Variants in THAP12 observed in about 807,000 individuals in gnomAD.
THAP12 encodes THAP domain containing 12.
In THAP12, 20 loss-of-function variants were observed where a neutral mutation model predicts 63.0. The ratio of observed to expected loss-of-function variants is 0.32; its 90% CI spans 0.22 to 0.46. The LOEUF (loss-of-function observed/expected upper bound fraction) is 0.46. Ranked by LOEUF, THAP12 falls within the 20% of genes least tolerant of loss-of-function variation. The pLI is 1.00. For missense variants in THAP12, 568 were observed against 908.2 expected (o/e 0.63, Z 4.81); for synonymous variants, 264 against 328.4 (o/e 0.80, Z 2.12).
intron 1 of THAP12, among the ~76,000 whole-genome samples, chr11:76,370,392 T>C (rs907615010): frequency 6.6e-6 from 1 of 151,994 alleles, no homozygotes; most frequent in Non-Finnish European, 1.5e-5. Flanking sequence ...AGAGAGGATC[T>C]CACTCTGTTG....
chr11:76,360,625 A>G (rs1343038375), intron 3 of THAP12, among the ~76,000 whole-genome samples: 2 of 152,172 alleles, frequency 1.3e-5, no homozygotes, highest in Non-Finnish European at 2.9e-5. Flanking sequence ...TGAACTCTGG[A>G]AACACCTCAG....
In THAP12 at chr11:76,351,418, G is replaced by A. The variant is rs1946525792; in HGVS notation, c.1732C>T (p.Leu578=). The change falls in exon 5 of 5, where the codon CTA becomes TTA. Residue 578 remains leucine, a synonymous_variant. Transcript: ENST00000260045. The part of the protein sequence containing the change: ...LTSESYYKET[L]SVPTVEHIIQ... ...ATGTGCTCCACTGTTGGGACACTTA[G>A]GGTTTCTTTATAGTAACTCTCAGAG... 1.2e-6 allele frequency: 2 copies of A among 1,604,120 alleles called. No individual in the cohort carries two copies. The highest frequency in any genetic ancestry group is 1.7e-5 in the Admixed American group (1 of 59,920).
rs2156713 is a variant in THAP12, at chr11:76,355,706, C to T, written c.319-52G>A. ...AAACAAATCATCTTTAAAAAACTGA[C>T]CTCTAGTGTATCATCTTAGACTCAC... On this transcript the variant is annotated intron_variant, in intron 3 of 4. Transcript: ENST00000260045. 8.7e-4 allele frequency: 1,251 copies of T among 1,444,250 alleles called. 6 individuals carry two copies. In the Admixed American group the frequency reaches 0.012, roughly 14 times the overall value. The allele number at this position is 1,444,250 out of a possible 1,614,324, so 89.5% of individuals were successfully genotyped here. A position where few individuals can be genotyped will look rare whatever the true frequency, so the allele number is the denominator to read the frequency against.
intron 1 of THAP12, among the ~76,000 whole-genome samples, chr11:76,376,140 C>T (rs1056650203): frequency 6.6e-6 from 1 of 152,102 alleles, no homozygotes; most frequent in African/African-American, 2.4e-5. Context: ...GAGAAGGTTG[C>T]ACAACACTGT....
At chr11:76,378,252 T>C (rs140650730) in intron 1 of THAP12, among the ~76,000 whole-genome samples, 3,720 of 152,120 alleles carry the variant, frequency 0.024, 164 homozygotes, top group African/African-American at 0.086. Context: ...AACCCCGTCT[T>C]GACTAAAAAA....
At chr11:76,354,337 C>T (rs1167870929) in intron 4 of THAP12, among the ~76,000 whole-genome samples, 1 of 152,192 alleles carries the variant, frequency 6.6e-6, no homozygotes. Flanking sequence ...ACTAGGGAGG[C>T]TTCCCAAGCC....
rs1946536513 is a variant in THAP12, at chr11:76,352,764, T to C, written c.386A>G (p.His129Arg). 3.9e-6 allele frequency: 6 copies of C among 1,534,098 alleles called. No individual in the cohort carries two copies. Among genetic ancestry groups the C allele is most frequent in the East Asian group, 2.3e-5 (1 of 43,508 alleles). ...AGCATTGCTATTGTTGGTTTCTTTA[T>C]GTTTTTGTTCCTGCTCAGAAGTTTC... The part of the protein sequence containing the change: ...IDETSEQEQK[H>R]KETNNSNAQN... Residue 129 changes from histidine to arginine, a missense_variant, in exon 5 of 5, where the codon CAT becomes CGT. His to Arg is a conservative substitution (Grantham distance 29). Transcript: ENST00000260045.
chr11:76,376,739 T>C (rs1946714087), intron 1 of THAP12, among the ~76,000 whole-genome samples: 1 of 149,172 alleles, frequency 6.7e-6, no homozygotes, highest in South Asian at 2.1e-4. Context: ...CAAGTGAGAT[T>C]TCACTAGATC....
chr11:76,378,793 G>C (rs1337902825), intron 1 of THAP12, among the ~76,000 whole-genome samples: 1 of 151,958 alleles, frequency 6.6e-6, no homozygotes, highest in African/African-American at 2.4e-5. Flanking sequence ...TTTTTTAATA[G>C]AGACAGGGTT....
At chr11:76,377,443 GCTTT>G (rs1946718881) in intron 1 of THAP12, among the ~76,000 whole-genome samples, 1 of 152,156 alleles carries the variant, frequency 6.6e-6, no homozygotes, top group African/African-American at 2.4e-5. Context: ...CCACTGATAT[GCTTT>G]CTATCTCTAT....
In THAP12 at chr11:76,358,083, A is replaced by G. The variant is rs370994617; in HGVS notation, c.319-2429T>C. On this transcript the variant is annotated intron_variant, in intron 3 of 4. Coordinates refer to ENST00000260045, the MANE Select transcript of THAP12 (RefSeq NM_004705.4). ...AAGAAAGAAAACCAATAAAGATAGC[A>G]GAATGGCAATCAAAACTTTCCCTCA... 203 of 152,284 alleles carry G rather than the reference A, an allele frequency of 1.3e-3. 2 individuals are homozygous for G. The highest frequency in any genetic ancestry group is 4.6e-3 in the African/African-American group (192 of 41,580). 9.4% of individuals were successfully genotyped at this position (152,284 alleles called of 1,614,324 possible).
chr11:76,375,771 A>G (rs1946705699), intron 1 of THAP12, among the ~76,000 whole-genome samples: 1 of 148,752 alleles, frequency 6.7e-6, no homozygotes, highest in Non-Finnish European at 1.5e-5. Flanking sequence ...GTTAGAACTA[A>G]TAACCCTAAA....
chr11:76,372,407 T>TG (rs1946680787), intron 1 of THAP12, among the ~76,000 whole-genome samples: 2 of 145,798 alleles, frequency 1.4e-5, no homozygotes, highest in Non-Finnish European at 3.0e-5. Context: ...GAATTGCTTC[T>TG]AAAAAAAAAA....
chr11:76,375,682 G>C (rs1946704220), intron 1 of THAP12, among the ~76,000 whole-genome samples: 1 of 135,642 alleles, frequency 7.4e-6, no homozygotes, highest in East Asian at 2.2e-4. Flanking sequence ...GTTAGCATTT[G>C]AAGACTAGAC....
chr11:76,362,537 G>A (rs548207465), intron 2 of THAP12, among the ~76,000 whole-genome samples: 7 of 152,308 alleles, frequency 4.6e-5, no homozygotes, highest in African/African-American at 1.4e-4. Flanking sequence ...CTAGTGCTGG[G>A]CTCGTGATCC....
At chr11:76,379,623 TC>T (rs1946736150) in intron 1 of THAP12, among the ~76,000 whole-genome samples, 1 of 152,170 alleles carries the variant, frequency 6.6e-6, no homozygotes. Context: ...AGTGAGGCCT[TC>T]TCTAATCACT....
intron 3 of THAP12, 21 bp from the exon 4 acceptor site, chr11:76,355,675 A>G (rs758591995): frequency 6.4e-7 from 1 of 1,564,528 alleles, no homozygotes; most frequent in Admixed American, 1.9e-5. Context: ...AGAAAAAAAA[A>G]GAAAAAAACA....
In THAP12 at chr11:76,369,310, C is replaced by A. The variant is rs545692203; in HGVS notation, c.90-3338G>T. Among the ~76,000 whole-genome samples the A allele has an allele frequency of 4.7e-4, 71 of 152,322 alleles. 1 individual carries two copies. In the South Asian group the frequency reaches 9.5e-3, roughly 20 times the overall value. ...ATGGATAAATTGTGGTATATTCATTCAATGGAATACTACTTGGCTATGAAA... is the reference window on the plus strand; with the variant it reads ...ATGGATAAATTGTGGTATATTCATTAAATGGAATACTACTTGGCTATGAAA... On this transcript the variant is annotated intron_variant, in intron 1 of 4. Transcript: ENST00000260045.
At chr11:76,362,311 C>A (rs1157027232) in intron 2 of THAP12, among the ~76,000 whole-genome samples, 1 of 152,136 alleles carries the variant, frequency 6.6e-6, no homozygotes, top group African/African-American at 2.4e-5. Context: ...ACAAAAATAA[C>A]AACTTCTAAA....
Sources: gnomAD v4.1 joint callset for allele counts (sites outside exome capture counted in the v4.1 genomes callset) on GRCh38, gnomAD v4.1.1 for gene constraint, MANE v1.5 for transcripts, NCBI Gene and HGNC (gene_info 2026-07-23, HGNC 2026-07-21) for gene names.